PEX5L: variants seen among roughly 807,000 people sequenced by gnomAD.
PEX5L encodes the protein peroxisomal biogenesis factor 5 like, also known as PEX5-related protein.
PEX5L carries 30 observed loss-of-function variants against 84.0 expected under a neutral mutation model. That is an observed-to-expected ratio of 0.36 (90% CI 0.27 to 0.48). The LOEUF (loss-of-function observed/expected upper bound fraction) is 0.48, where lower values mean the gene tolerates loss of function less well. PEX5L is among the 20% of genes least tolerant of loss of function. The pLI, the probability that PEX5L is intolerant of heterozygous loss-of-function variation, is 0.99. For synonymous variants in PEX5L, 270 were observed against 283.1 expected, an observed-to-expected ratio of 0.95 and a Z score of 0.46; for missense variants, 533 against 754.6, an observed-to-expected ratio of 0.71 and a Z score of 3.44.
At chr3:179,893,406 T>G (rs528608395) in intron 3 of PEX5L, among the ~76,000 whole-genome samples, 48 of 152,192 alleles carry the variant, frequency 3.2e-4, no homozygotes, top group Admixed American at 7.9e-4. Context: ...CTTTTAAATA[T>G]TTTTTGTTAC....
Position 179,796,927 on chromosome 3 carries a change from A to C in PEX5L, c.*4901T>G, listed in dbSNP as rs1444071341. 1.3e-5 allele frequency: 2 copies of C among 152,196 alleles called. No homozygotes were observed. Among genetic ancestry groups the C allele is most frequent in the Non-Finnish European group, 2.9e-5 (2 of 68,034 alleles). 9.4% of individuals were successfully genotyped at this position (152,196 alleles called of 1,614,324 possible). ...ATACCCCACACACTTGCTATGTGAC[A>C]TTTATGAAAATTAAGGCCCCATATC... On this transcript the variant is annotated 3_prime_UTR_variant, in exon 15 of 15. Transcript: ENST00000467460.
At chr3:179,987,880 T>C (rs1428096603) in intron 1 of PEX5L, among the ~76,000 whole-genome samples, 1 of 152,052 alleles carries the variant, frequency 6.6e-6, no homozygotes, top group Non-Finnish European at 1.5e-5. Context: ...ATTTGGAAAG[T>C]GGGTAGAGAA....
At chr3:179,979,532 T>C (rs1579209848) in intron 1 of PEX5L, among the ~76,000 whole-genome samples, 1 of 152,170 alleles carries the variant, frequency 6.6e-6, no homozygotes, top group Admixed American at 6.5e-5. Context: ...TTTTTGGTGG[T>C]TTTAACCCTG....
chr3:179,850,030 T>A (rs564566265), intron 8 of PEX5L, among the ~76,000 whole-genome samples: 2 of 152,318 alleles, frequency 1.3e-5, no homozygotes, highest in East Asian at 3.9e-4. Context: ...CAACTACCCA[T>A]AATTCTGACC....
At chr3:179,827,226 G>C (rs1330602383) in intron 8 of PEX5L, among the ~76,000 whole-genome samples, 1 of 152,138 alleles carries the variant, frequency 6.6e-6, no homozygotes. Flanking sequence ...GGGAATACCC[G>C]GGCGTGACTT....
At chr3:179,908,270 G>A (rs925452799) in intron 2 of PEX5L, among the ~76,000 whole-genome samples, 1 of 152,196 alleles carries the variant, frequency 6.6e-6, no homozygotes, top group Admixed American at 6.5e-5. Context: ...GCAAGCCACA[G>A]TCAGCGTGTA....
At chr3:179,968,153 T>A (rs1217252368) in intron 2 of PEX5L, among the ~76,000 whole-genome samples, 1 of 152,154 alleles carries the variant, frequency 6.6e-6, no homozygotes, top group East Asian at 1.9e-4. Context: ...GTCTATAAAT[T>A]TATTAGTCTT....
At chr3:179,927,295 A>G (rs1257152330) in intron 2 of PEX5L, among the ~76,000 whole-genome samples, 1 of 152,120 alleles carries the variant, frequency 6.6e-6, no homozygotes, top group Non-Finnish European at 1.5e-5. Context: ...TCTCAGGGTA[A>G]AGACAGAGGC....
At chr3:179,900,454 T>C (rs1365607403) in intron 2 of PEX5L, among the ~76,000 whole-genome samples, 2 of 152,188 alleles carry the variant, frequency 1.3e-5, no homozygotes, top group Non-Finnish European at 2.9e-5. Context: ...TTATTTGAAA[T>C]GCTACCAATC....
intron 11 of PEX5L, among the ~76,000 whole-genome samples, chr3:179,811,298 G>T (rs1387581906): frequency 5.9e-5 from 9 of 151,684 alleles, no homozygotes; most frequent in Non-Finnish European, 1.3e-4. Context: ...CTATATTAAA[G>T]GCACTCAAAA....
At chr3:179,870,745 T>C (rs960187544) in intron 7 of PEX5L, among the ~76,000 whole-genome samples, 1 of 151,900 alleles carries the variant, frequency 6.6e-6, no homozygotes, top group Non-Finnish European at 1.5e-5. Flanking sequence ...CTCCGCATGC[T>C]TCCACATCAA....
intron 8 of PEX5L, among the ~76,000 whole-genome samples, chr3:179,838,232 C>T (rs1274162528): frequency 6.6e-6 from 1 of 151,944 alleles, no homozygotes; most frequent in Non-Finnish European, 1.5e-5. Flanking sequence ...CTGTTTATTC[C>T]AATAACAATT....
chr3:179,808,437 G>C lies in PEX5L; in HGVS notation c.1353C>G (p.Ser451Arg). 6.9e-7 allele frequency: 1 copy of C among 1,457,752 alleles called. No individual in the cohort carries two copies. The highest frequency in any genetic ancestry group is 2.6e-5 in the East Asian group (1 of 39,086). 90.3% of individuals were successfully genotyped at this position (1,457,752 alleles called of 1,614,324 possible). The change falls in exon 13 of 15, where the codon AGC becomes AGG. Residue 451 changes from serine (S) to arginine (R), a missense_variant and splice_region_variant. Transcript: ENST00000467460. Reference protein sequence around the residue: ...TRRMSKSPVDSSVLEGVKELY... With the variant: ...TRRMSKSPVDRSVLEGVKELY... ...ATTCCTTCACCCCTTCCAGAACAGA[G>C]CTACAAGAGAAAAAAAAAATTAGAT...
intron 2 of PEX5L, among the ~76,000 whole-genome samples, chr3:179,913,722 A>G (rs1251649795): frequency 2.0e-5 from 3 of 152,160 alleles, no homozygotes; most frequent in Admixed American, 6.5e-5. Flanking sequence ...ACAAGAATAA[A>G]ACAAAAACTA....
At chr3:179,996,929 C>T (rs1170823572) in intron 1 of PEX5L, among the ~76,000 whole-genome samples, 5 of 152,156 alleles carry the variant, frequency 3.3e-5, no homozygotes, top group Non-Finnish European at 5.9e-5. Context: ...AGGAAGTCTA[C>T]CGCATTCCTA....
At position 179,801,244 on chromosome 3, in the gene PEX5L, C is replaced by A. The variant is rs574666588; in HGVS notation, c.*584G>T. On this transcript the variant is annotated 3_prime_UTR_variant, in exon 15 of 15. Coordinates refer to ENST00000467460, the MANE Select transcript of PEX5L (RefSeq NM_016559.3). ...TTTAGATTGGGAACAGCAAAAATTT[C>A]TAGTGCAAAAACTGCTTTTGCCAGC... 328 of 153,834 alleles carry A rather than the reference C, an allele frequency of 2.1e-3. No homozygotes were observed. The highest frequency in any genetic ancestry group is 3.8e-3 in the Non-Finnish European group (264 of 68,794). 9.5% of individuals were successfully genotyped at this position (153,834 alleles called of 1,614,324 possible).
chr3:180,034,461 C>T (rs533290998), intron 1 of PEX5L, among the ~76,000 whole-genome samples: 46 of 152,136 alleles, frequency 3.0e-4, no homozygotes, highest in Non-Finnish European at 4.9e-4. Context: ...GATAAGGAAA[C>T]GTTATTTTGT....
rs11447396 is a variant in PEX5L at position 179,942,017 on chromosome 3, CAAAAAA to C, written c.93+29571_93+29576del. The stretch of plus-strand genomic sequence containing the variant: ...ACCTGGGTGACAGAGTGAGACTCCT[CAAAAAA>C]AAAAAAAAAAAAAGAAGAAAAGAAA... On this transcript the variant is annotated intron_variant, in intron 2 of 14. Transcript: ENST00000467460. Among the ~76,000 whole-genome samples, 376 of 89,222 alleles carry C rather than the reference CAAAAAA, an allele frequency of 4.2e-3. 3 individuals are homozygous for C. The highest frequency in any genetic ancestry group is 0.018 in the African/African-American group (367 of 20,714). The allele number at this position is 89,222 out of a possible 152,430, so 58.5% of individuals were successfully genotyped here. A position where few individuals can be genotyped will look rare whatever the true frequency, so the allele number is the denominator to read the frequency against.
At chr3:179,937,189 G>C (rs1285551426) in intron 2 of PEX5L, among the ~76,000 whole-genome samples, 2 of 152,124 alleles carry the variant, frequency 1.3e-5, no homozygotes, top group African/African-American at 2.4e-5. Context: ...TGTTACAAAA[G>C]TAAAAAGTTC....
Sources: gnomAD v4.1 joint callset for allele counts (sites outside exome capture counted in the v4.1 genomes callset) on GRCh38, gnomAD v4.1.1 for gene constraint, MANE v1.5 for transcripts, NCBI Gene and HGNC (gene_info 2026-07-23, HGNC 2026-07-21) for gene names.